TASP1: variants seen among roughly 807,000 people sequenced by gnomAD.
TASP1 encodes the protein threonine aspartase 1.
TASP1 carries 16 observed loss-of-function variants against 56.6 expected under a neutral mutation model. That is an observed-to-expected ratio of 0.28 (90% CI 0.19 to 0.43). TASP1 has a LOEUF of 0.43. TASP1 is among the 20% of genes least tolerant of loss of function. The pLI, the probability that TASP1 is intolerant of heterozygous loss-of-function variation, is 1.00. For missense variants in TASP1, 393 were observed against 511.6 expected, an observed-to-expected ratio of 0.77 and a Z score of 2.24; for synonymous variants, 179 against 184.2, an observed-to-expected ratio of 0.97 and a Z score of 0.23.
intron 11 of TASP1, among the ~76,000 whole-genome samples, chr20:13,445,291 C>T (rs563220792): frequency 6.6e-6 from 1 of 152,216 alleles, no homozygotes; most frequent in African/African-American, 2.4e-5. Flanking sequence ...TAATACTGTA[C>T]TAGAAATGAG....
At chr20:13,377,326 A>G in the TASP1 span, among the ~76,000 whole-genome samples, 1 of 152,208 alleles carries the variant, frequency 6.6e-6, no homozygotes, top group Non-Finnish European at 1.5e-5. Flanking sequence ...ATCTGTTGAG[A>G]CAATCATGTG....
chr20:13,255,928 T>G, the TASP1 span, among the ~76,000 whole-genome samples: 2 of 148,730 alleles, frequency 1.3e-5, no homozygotes, highest in African/African-American at 5.2e-5. Flanking sequence ...TCCTGGGGTT[T>G]TTTTTTTTGG....
the TASP1 span, among the ~76,000 whole-genome samples, chr20:13,248,846 G>A: frequency 4.6e-5 from 7 of 152,204 alleles, no homozygotes; most frequent in African/African-American, 1.2e-4. Context: ...CTGCAAAACC[G>A]AGCACTGGCT....
intron 7 of TASP1, 70 bp downstream of exon 7, chr20:13,569,437 T>C: frequency 8.2e-7 from 1 of 1,226,968 alleles, no homozygotes; most frequent in Non-Finnish European, 1.2e-6. Flanking sequence ...ACATGGGTCA[T>C]AACAGAAGCA....
the TASP1 span, chr20:13,221,781 T>C: frequency 2.1e-6 from 3 of 1,448,526 alleles, no homozygotes; most frequent in Non-Finnish European, 2.7e-6. Context: ...AAAAGGATGG[T>C]GCGCCTGGCG....
In TASP1 at chr20:13,390,250, G is replaced by A; in HGVS notation, c.*110C>T. The A allele has an allele frequency of 1.0e-6, 1 of 973,116 alleles. No homozygotes were observed. Among genetic ancestry groups the A allele is most frequent in the Non-Finnish European group, 1.6e-6 (1 of 643,146 alleles). The allele number at this position is 973,116 out of a possible 1,614,324, so 60.3% of individuals were successfully genotyped here. A position where few individuals can be genotyped will look rare whatever the true frequency, so the allele number is the denominator to read the frequency against. ...TGTGTCTCGAGCAGTGCACGAGGTT[G>A]CAATAGGAATTATAAAACAAGAAAG... On this transcript the variant is annotated 3_prime_UTR_variant, in exon 14 of 14. Transcript: ENST00000337743.
chr20:13,461,084 A>G (rs2044035104), intron 11 of TASP1, among the ~76,000 whole-genome samples: 1 of 152,050 alleles, frequency 6.6e-6, no homozygotes, highest in Non-Finnish European at 1.5e-5. Context: ...GCCATCCCTC[A>G]GCCAACTCTA....
chr20:13,498,807 A>C (rs1443367677), intron 10 of TASP1, among the ~76,000 whole-genome samples: 1 of 152,112 alleles, frequency 6.6e-6, no homozygotes, highest in East Asian at 1.9e-4. Flanking sequence ...AAAAAAAAAA[A>C]AAAAAAGGTG....
intron 8 of TASP1, among the ~76,000 whole-genome samples, chr20:13,551,574 TTGAAAC>T (rs1306725413): frequency 2.6e-5 from 4 of 152,176 alleles, no homozygotes; most frequent in African/African-American, 9.6e-5. Context: ...GGCTGGCTGT[TTGAAAC>T]TGATATTTAT....
chr20:13,461,704 T>C (rs113098725), intron 11 of TASP1, among the ~76,000 whole-genome samples: 5,693 of 152,256 alleles, frequency 0.037, 133 homozygotes, highest in African/African-American at 0.059. Flanking sequence ...AATCAGTTGG[T>C]AGGTGGGATT....
the TASP1 span, among the ~76,000 whole-genome samples, chr20:13,321,253 TAAAAA>T: frequency 8.7e-5 from 5 of 57,520 alleles, no homozygotes; most frequent in African/African-American, 1.5e-4. Context: ...GTGCCCCACA[TAAAAA>T]AAAAAAAAAA....
At chr20:13,299,509 C>CGTGT in the TASP1 span, 6 of 1,506,732 alleles carry the variant, frequency 4.0e-6, no homozygotes, top group Non-Finnish European at 5.4e-6. The surrounding 1 kb of genome is among the most constrained non-coding windows in gnomAD (Gnocchi z 5.8). Flanking sequence ...GGAGCACACA[C>CGTGT]GTGCTGCACT....
At chr20:13,516,861 C>T (rs968314963) in intron 10 of TASP1, among the ~76,000 whole-genome samples, 4 of 152,034 alleles carry the variant, frequency 2.6e-5, no homozygotes, top group Non-Finnish European at 5.9e-5. Context: ...GAAAGACTTA[C>T]CTTCCTTCCA....
the TASP1 span, among the ~76,000 whole-genome samples, chr20:13,260,655 C>G: frequency 6.6e-6 from 1 of 150,608 alleles, no homozygotes; most frequent in Non-Finnish European, 1.5e-5. Flanking sequence ...ACAAGTGTCT[C>G]TTTAGGATTC....
intron 10 of TASP1, among the ~76,000 whole-genome samples, chr20:13,511,708 A>G (rs2044332601): frequency 6.6e-6 from 1 of 151,084 alleles, no homozygotes; most frequent in South Asian, 2.1e-4. Context: ...CCCACCCATT[A>G]ACTTGTCATT....
chr20:13,481,929 T>C (rs2043153977), intron 11 of TASP1, among the ~76,000 whole-genome samples: 1 of 152,178 alleles, frequency 6.6e-6, no homozygotes, highest in South Asian at 2.1e-4. Flanking sequence ...CTTGATATAA[T>C]CTCTTCTGTC....
chr20:13,355,105 T>C, the TASP1 span, among the ~76,000 whole-genome samples: 1 of 152,116 alleles, frequency 6.6e-6, no homozygotes, highest in Non-Finnish European at 1.5e-5. Context: ...GGTATTATGG[T>C]CTTAACACAG....
intron 2 of TASP1, among the ~76,000 whole-genome samples, chr20:13,629,593 TCCCACAGCAA>T (rs2147583483): frequency 6.6e-6 from 1 of 151,976 alleles, no homozygotes; most frequent in Admixed American, 6.5e-5. Context: ...TGCCTCAGCC[TCCCACAGCAA>T]CATTATTTTT....
chr20:13,513,546 C>T (rs1185056119), intron 10 of TASP1, among the ~76,000 whole-genome samples: 2 of 151,930 alleles, frequency 1.3e-5, no homozygotes, highest in Non-Finnish European at 2.9e-5. Context: ...TAAACAAGAG[C>T]AAAAAGAGAA....
Sources: allele counts gnomAD v4.1 joint callset (sites outside exome capture counted in the v4.1 genomes callset), GRCh38; gene constraint gnomAD v4.1.1; non-coding constraint Gnocchi (gnomAD v3.1); transcripts MANE v1.5; gene names NCBI Gene and HGNC (gene_info 2026-07-23, HGNC 2026-07-21).